FTCDNL1: variants seen among roughly 807,000 people sequenced by gnomAD.
FTCDNL1 encodes the protein formiminotransferase N-terminal subdomain-containing protein.
In FTCDNL1, 11 loss-of-function variants were observed where a neutral mutation model predicts 5.9. The observed-to-expected ratio is 1.87, with a 90% confidence interval of 1.18 to 3.10. The LOEUF (loss-of-function observed/expected upper bound fraction) is 3.10, where lower values mean the gene tolerates loss of function less well. FTCDNL1 is among the 30% of genes most tolerant of loss of function. The pLI, the probability that FTCDNL1 is intolerant of heterozygous loss-of-function variation, is 0.00. For synonymous variants in FTCDNL1, 58 were observed against 24.8 expected (o/e 2.34, Z -3.99); for missense variants, 115 against 65.5 (o/e 1.76, Z -2.61).
intron 3 of FTCDNL1, among the ~76,000 whole-genome samples, chr2:199,822,246 T>A (rs1701739921): frequency 6.6e-6 from 1 of 151,894 alleles, no homozygotes; most frequent in East Asian, 1.9e-4. Context: ...CTACAAAAAA[T>A]AAACAAAATT....
chr2:199,714,643 C>T, the FTCDNL1 span, among the ~76,000 whole-genome samples: 2 of 152,048 alleles, frequency 1.3e-5, no homozygotes, highest in Non-Finnish European at 2.9e-5. Context: ...AAGAAACTCC[C>T]CAGGTGAAAC....
chr2:199,772,900 T>A (rs974627072), intron 3 of FTCDNL1, among the ~76,000 whole-genome samples: 1 of 152,212 alleles, frequency 6.6e-6, no homozygotes, highest in Non-Finnish European at 1.5e-5. Context: ...AATAATTAGC[T>A]GTGTTCATTG....
At chr2:199,768,910 C>T (rs915323489) in intron 3 of FTCDNL1, among the ~76,000 whole-genome samples, 5 of 152,090 alleles carry the variant, frequency 3.3e-5, no homozygotes, top group South Asian at 2.1e-4. Context: ...GGGTGGGCAT[C>T]GTGGGCACCC....
chr2:199,677,199 G>T, the FTCDNL1 span, among the ~76,000 whole-genome samples: 1 of 152,120 alleles, frequency 6.6e-6, no homozygotes, highest in African/African-American at 2.4e-5. Context: ...AGCTGGACTA[G>T]TCATGTTACA....
chr2:199,833,536 G>T (rs989269004), intron 3 of FTCDNL1, among the ~76,000 whole-genome samples: 2 of 152,192 alleles, frequency 1.3e-5, no homozygotes, highest in African/African-American at 2.4e-5. Flanking sequence ...AAAGCCTTGG[G>T]GATGGCCAGG....
Position 199,811,654 on chromosome 2 carries a change from T to TC in FTCDNL1, c.*1050dup, listed in dbSNP as rs1701044359. ...GTTCCTGCATGTGGACTTGGGGCTT[T>TC]CCCCATGACATGGGTCATTCCATCC... On this transcript the variant is annotated 3_prime_UTR_variant, in exon 5 of 5. Transcript: ENST00000420128. 6.6e-6 allele frequency among the ~76,000 whole-genome samples: 1 copy of TC among 152,250 alleles called. No individual in the cohort carries two copies. Among genetic ancestry groups the TC allele is most frequent in the African/African-American group, 2.4e-5 (1 of 41,472 alleles).
chr2:199,774,048 CA>C, intron 3 of FTCDNL1, among the ~76,000 whole-genome samples: 1 of 152,298 alleles, frequency 6.6e-6, no homozygotes, highest in East Asian at 1.9e-4. Flanking sequence ...GGAGTATTTG[CA>C]ATGTTTTGTA....
the FTCDNL1 span, among the ~76,000 whole-genome samples, chr2:199,694,696 T>C: frequency 1.4e-4 from 22 of 152,080 alleles, no homozygotes; most frequent in Non-Finnish European, 2.8e-4. Flanking sequence ...TAGCTGGGCA[T>C]TGTGGCATGT....
chr2:199,718,488 GTAAA>G, the FTCDNL1 span, among the ~76,000 whole-genome samples: 1 of 152,138 alleles, frequency 6.6e-6, no homozygotes, highest in East Asian at 1.9e-4. Flanking sequence ...CTTCACTCTT[GTAAA>G]TAGTGATGCA....
At chr2:199,760,740 C>A in exon 4 of FTCDNL1, 1 of 701,742 alleles carries the variant, frequency 1.4e-6, no homozygotes. Context: ...CCATGAGTCA[C>A]CCCAGATCCA....
At chr2:199,706,493 T>C in the FTCDNL1 span, among the ~76,000 whole-genome samples, 975 of 152,294 alleles carry the variant, frequency 6.4e-3, 12 homozygotes, top group African/African-American at 0.022. Flanking sequence ...GCCAACCGGT[T>C]AAACCATTTT....
At chr2:199,765,118 G>C (rs1225585137) in intron 3 of FTCDNL1, among the ~76,000 whole-genome samples, 2 of 152,172 alleles carry the variant, frequency 1.3e-5, no homozygotes, top group African/African-American at 4.8e-5. Context: ...AATAGGCAGT[G>C]CACAGATGAT....
chr2:199,786,414 C>A (rs1699653202), intron 3 of FTCDNL1, among the ~76,000 whole-genome samples: 2 of 152,104 alleles, frequency 1.3e-5, no homozygotes, highest in Non-Finnish European at 2.9e-5. Context: ...GTTTACATTT[C>A]TTTGGCTTTT....
At chr2:199,812,790 A>G in intron 4 of FTCDNL1, 66 bp from the exon 5 acceptor site, 2 of 673,012 alleles carry the variant, frequency 3.0e-6, no homozygotes, top group Non-Finnish European at 5.4e-6. Flanking sequence ...TGAAAAATTT[A>G]TCATTCTAAA....
At chr2:199,694,948 T>C in the FTCDNL1 span, among the ~76,000 whole-genome samples, 2 of 152,232 alleles carry the variant, frequency 1.3e-5, no homozygotes, top group Non-Finnish European at 2.9e-5. Flanking sequence ...CTCCAGTCTC[T>C]GGGATCTAGC....
the FTCDNL1 span, among the ~76,000 whole-genome samples, chr2:199,718,181 T>G: frequency 6.6e-6 from 1 of 152,070 alleles, no homozygotes; most frequent in Admixed American, 6.6e-5. Flanking sequence ...GTGTACATTG[T>G]ACCAAACAGG....
At chr2:199,822,834 T>C (rs1701781599) in intron 3 of FTCDNL1, among the ~76,000 whole-genome samples, 1 of 152,074 alleles carries the variant, frequency 6.6e-6, no homozygotes, top group Non-Finnish European at 1.5e-5. Context: ...TAACTCCTCA[T>C]CCGTTCTAGT....
chr2:199,691,591 A>G, the FTCDNL1 span, among the ~76,000 whole-genome samples: 1 of 152,216 alleles, frequency 6.6e-6, no homozygotes, highest in Non-Finnish European at 1.5e-5. Flanking sequence ...CAAAACTGGA[A>G]ATAAAAATTG....
chr2:199,826,585 G>A (rs1410990194), intron 3 of FTCDNL1, among the ~76,000 whole-genome samples: 4 of 151,462 alleles, frequency 2.6e-5, no homozygotes, highest in Admixed American at 2.0e-4. Flanking sequence ...ACTTGAGGTC[G>A]ACAGGTCAAG....
Sources: gnomAD v4.1 joint callset for allele counts (sites outside exome capture counted in the v4.1 genomes callset) on GRCh38, gnomAD v4.1.1 for gene constraint, MANE v1.5 for transcripts, NCBI Gene and HGNC (gene_info 2026-07-23, HGNC 2026-07-21) for gene names.